Variants in CLMN observed in about 807,000 individuals in gnomAD.
The protein encoded by CLMN is calmin (calponin-like, transmembrane).
Under a neutral mutation model 92.7 loss-of-function variants are expected in CLMN, and 57 were observed. That is an observed-to-expected ratio of 0.61 (90% CI 0.50 to 0.77). The LOEUF (loss-of-function observed/expected upper bound fraction) is 0.77, where lower values mean the gene tolerates loss of function less well. Ranked by LOEUF, CLMN falls within the 30% of genes least tolerant of loss-of-function variation. CLMN has a pLI of 0.00. For missense variants in CLMN, 1,158 were observed against 1,237.5 expected (o/e 0.94, Z 0.96); for synonymous variants, 466 against 470.6 (o/e 0.99, Z 0.13).
chr14:95,266,356 T>C (rs1335405073), intron 1 of CLMN, among the ~76,000 whole-genome samples: 1 of 152,194 alleles, frequency 6.6e-6, no homozygotes, highest in African/African-American at 2.4e-5. Context: ...TCAGTAAAGT[T>C]GTAGAATACA....
chr14:95,302,422 C>T (rs1243577847), intron 1 of CLMN, among the ~76,000 whole-genome samples: 1 of 152,114 alleles, frequency 6.6e-6, no homozygotes. Flanking sequence ...ACATGAGCCA[C>T]ACACAAAATG....
At chr14:95,202,283 A>T (rs1896906494) in intron 9 of CLMN, among the ~76,000 whole-genome samples, 1 of 152,176 alleles carries the variant, frequency 6.6e-6, no homozygotes, top group East Asian at 1.9e-4. Flanking sequence ...TACTGGTGTG[A>T]GATGGAATCT....
intron 9 of CLMN, among the ~76,000 whole-genome samples, 158 bp downstream of exon 9, chr14:95,202,680 G>A (rs1040047846): frequency 4.6e-5 from 7 of 152,210 alleles, no homozygotes; most frequent in Non-Finnish European, 8.8e-5. Flanking sequence ...GCATTTGCCC[G>A]AGCCTCACAG....
intron 4 of CLMN, among the ~76,000 whole-genome samples, chr14:95,218,917 T>G (rs955839723): frequency 1.3e-5 from 2 of 152,248 alleles, no homozygotes; most frequent in Non-Finnish European, 2.9e-5. Flanking sequence ...CCCAAGCCTC[T>G]GCACTGCACT....
chr14:95,196,563 T>G lies in CLMN; in HGVS notation c.2643A>C (p.Ala881=). The change falls in exon 10 of 13, where the codon GCA becomes GCC. Residue 881 remains alanine (A), a synonymous_variant. Coordinates refer to ENST00000298912, the MANE Select transcript of CLMN (RefSeq NM_024734.4). ...VDHVESSLFV[A]PGSVQSSDDL... is the part of the protein sequence containing the mutation. ...CATCTGAGGATTGAACACTTCCTGG[T>G]GCTACAAATAGTGAACTTTCTACGT... 6.2e-7 allele frequency: 1 copy of G among 1,614,264 alleles called. No individual in the cohort carries two copies. Among genetic ancestry groups the G allele is most frequent in the African/African-American group, 1.3e-5 (1 of 75,080 alleles).
At chr14:95,316,553 G>A (rs944311270) in intron 1 of CLMN, among the ~76,000 whole-genome samples, 1 of 152,220 alleles carries the variant, frequency 6.6e-6, no homozygotes, top group Non-Finnish European at 1.5e-5. Flanking sequence ...TCATTCCAAT[G>A]TTTTTTGGGG....
rs145628234 is a variant in CLMN at position 95,315,745 on chromosome 14, G to C, written c.82+3966C>G. ...ACGCCAAAAGCACCAGAATGACAGGGGATGGCCCAAAGCAGAACTGACCTC... is the reference window on the plus strand; with the variant it reads ...ACGCCAAAAGCACCAGAATGACAGGCGATGGCCCAAAGCAGAACTGACCTC... On this transcript the variant is annotated intron_variant, in intron 1 of 12. Coordinates refer to ENST00000298912, the MANE Select transcript of CLMN (RefSeq NM_024734.4). Among the ~76,000 whole-genome samples, 389 of 152,278 alleles carry C rather than the reference G, an allele frequency of 2.6e-3. 1 individual carries two copies. Among genetic ancestry groups the C allele is most frequent in the Middle Eastern group, 0.02 (6 of 294 alleles).
chr14:95,245,244 AT>A lies in CLMN; in HGVS notation c.83-15112del, dbSNP rs1256113436. Among the ~76,000 whole-genome samples the A allele has an allele frequency of 7.9e-5, 3 of 37,976 alleles. 1 individual carries two copies. The highest frequency in any genetic ancestry group is 3.3e-4 in the African/African-American group (2 of 6,080). 24.9% of individuals were successfully genotyped at this position (37,976 alleles called of 152,430 possible). A position where few individuals can be genotyped will look rare whatever the true frequency, so the allele number is the denominator to read the frequency against. ...TATATATTATATATATATATTATAT[AT>A]ATATATATAATATATATATATATAT... On this transcript the variant is annotated intron_variant, in intron 1 of 12. Transcript: ENST00000298912.
intron 2 of CLMN, among the ~76,000 whole-genome samples, chr14:95,227,303 C>A (rs961804428): frequency 1.3e-5 from 2 of 152,158 alleles, no homozygotes; most frequent in African/African-American, 4.8e-5. Context: ...GGCAATTCCA[C>A]CCGCAGGTGC....
At chr14:95,310,956 G>A (rs1901510450) in intron 1 of CLMN, among the ~76,000 whole-genome samples, 1 of 152,236 alleles carries the variant, frequency 6.6e-6, no homozygotes, top group Admixed American at 6.5e-5. Flanking sequence ...GTGGAGAGAT[G>A]GATGGGGTGC....
At chr14:95,252,881 C>A (rs750425675) in intron 1 of CLMN, among the ~76,000 whole-genome samples, 1 of 152,176 alleles carries the variant, frequency 6.6e-6, no homozygotes, top group Non-Finnish European at 1.5e-5. Flanking sequence ...AGCTTTGCAT[C>A]GGGAACCCTT....
intron 1 of CLMN, among the ~76,000 whole-genome samples, chr14:95,280,469 C>A (rs1900105191): frequency 1.3e-5 from 2 of 152,036 alleles, no homozygotes; most frequent in South Asian, 2.1e-4. Context: ...CTAAGTCTTC[C>A]CTCTGCTAAT....
chr14:95,239,453 T>C (rs1311567809), intron 1 of CLMN, among the ~76,000 whole-genome samples: 1 of 152,234 alleles, frequency 6.6e-6, no homozygotes, highest in Non-Finnish European at 1.5e-5. Context: ...TCTGGGCCCC[T>C]GACCATGATC....
At chr14:95,315,889 A>G (rs376124035) in intron 1 of CLMN, among the ~76,000 whole-genome samples, 18 of 152,356 alleles carry the variant, frequency 1.2e-4, no homozygotes, top group African/African-American at 4.3e-4. Context: ...GCAAGATGCT[A>G]CGTGCTCGAC....
intron 1 of CLMN, among the ~76,000 whole-genome samples, chr14:95,280,828 A>G (rs1900118599): frequency 6.6e-6 from 1 of 152,224 alleles, no homozygotes; most frequent in South Asian, 2.1e-4. Flanking sequence ...ACTTAGTGGT[A>G]TGTTATCAGT....
At chr14:95,266,304 A>G (rs552867228) in intron 1 of CLMN, among the ~76,000 whole-genome samples, 40 of 152,352 alleles carry the variant, frequency 2.6e-4, no homozygotes, top group African/African-American at 9.6e-4. Flanking sequence ...TGCATTTAGA[A>G]AAACCTAAAG....
chr14:95,234,799 C>T (rs1241080701), intron 1 of CLMN, among the ~76,000 whole-genome samples: 1 of 152,210 alleles, frequency 6.6e-6, no homozygotes, highest in South Asian at 2.1e-4. Flanking sequence ...GTGGGACATT[C>T]CTCTCTTCTC....
chr14:95,250,543 C>G (rs998648601), intron 1 of CLMN, among the ~76,000 whole-genome samples: 3 of 152,194 alleles, frequency 2.0e-5, no homozygotes, highest in African/African-American at 7.2e-5. Context: ...AACAGGCTCT[C>G]TGGGATGTGT....
At chr14:95,304,025 A>G (rs1300553391) in intron 1 of CLMN, among the ~76,000 whole-genome samples, 1 of 152,242 alleles carries the variant, frequency 6.6e-6, no homozygotes, top group Non-Finnish European at 1.5e-5. Context: ...GTGGTCACGG[A>G]TTTGGCAAAC....
Sources: allele counts gnomAD v4.1 joint callset (sites outside exome capture counted in the v4.1 genomes callset), GRCh38; gene constraint gnomAD v4.1.1; transcripts MANE v1.5; gene names NCBI Gene and HGNC (gene_info 2026-07-23, HGNC 2026-07-21).